The following CHCHD6 variants were observed in gnomAD, a reference collection of about 807,000 sequenced individuals.
CHCHD6 encodes the protein MICOS complex subunit MIC25.
In CHCHD6, 28 loss-of-function variants were observed where a neutral mutation model predicts 32.3. The ratio of observed to expected loss-of-function variants is 0.87; its 90% CI spans 0.64 to 1.19. The LOEUF is 1.19. CHCHD6 is among the 50% of genes most tolerant of loss of function. The probability of loss-of-function intolerance (pLI) is 0.00; values close to 1 mark genes in which losing one functional copy is unlikely to be tolerated. For missense variants in CHCHD6, 333 were observed against 307.0 expected, an observed-to-expected ratio of 1.08 and a Z score of -0.63; for synonymous variants, 122 against 117.5, an observed-to-expected ratio of 1.04 and a Z score of -0.25.
intron 5 of CHCHD6, among the ~76,000 whole-genome samples, chr3:126,896,757 AGGAGTGGGCTAGCAGACCCTC>A (rs1298546544): frequency 5.9e-5 from 9 of 152,180 alleles, no homozygotes; most frequent in African/African-American, 1.9e-4. Context: ...CTGGAGGGGC[AGGAGTGGGCTAGCAGACCCTC>A]GAAGGGGATA....
At chr3:126,926,094 A>G (rs2078320678) in intron 6 of CHCHD6, among the ~76,000 whole-genome samples, 1 of 152,210 alleles carries the variant, frequency 6.6e-6, no homozygotes, top group Non-Finnish European at 1.5e-5. Context: ...CTCTAGGCTC[A>G]GCTCAAATGT....
At chr3:126,938,009 G>A (rs768899949) in intron 6 of CHCHD6, among the ~76,000 whole-genome samples, 2 of 152,162 alleles carry the variant, frequency 1.3e-5, no homozygotes, top group Non-Finnish European at 2.9e-5. Flanking sequence ...TATGCGCAGA[G>A]GACAAGCTAC....
At chr3:126,870,727 C>T (rs1274825110) in intron 5 of CHCHD6, among the ~76,000 whole-genome samples, 3 of 152,198 alleles carry the variant, frequency 2.0e-5, no homozygotes, top group African/African-American at 4.8e-5. Flanking sequence ...TATTAATTTT[C>T]ATCTCTTAGA....
intron 4 of CHCHD6, among the ~76,000 whole-genome samples, chr3:126,771,890 C>T (rs1937549136): frequency 6.6e-6 from 1 of 152,212 alleles, no homozygotes; most frequent in African/African-American, 2.4e-5. Context: ...AATTTCATTA[C>T]TTACCCAAAA....
At chr3:126,800,995 G>A (rs564770235) in intron 4 of CHCHD6, among the ~76,000 whole-genome samples, 3 of 152,312 alleles carry the variant, frequency 2.0e-5, no homozygotes, top group East Asian at 1.9e-4. Context: ...TAACTATAAC[G>A]AGATGACTCT....
intron 6 of CHCHD6, among the ~76,000 whole-genome samples, chr3:126,940,762 A>G (rs2078548414): frequency 6.6e-6 from 1 of 152,182 alleles, no homozygotes; most frequent in Non-Finnish European, 1.5e-5. Context: ...CTATCAAAGG[A>G]GAAAAATACC....
chr3:126,721,404 C>T lies in CHCHD6; in HGVS notation c.88-5674C>T, dbSNP rs566116053. ...CCTTCTGCAGACATCGCTGCCGTCC[C>T]GCCCATGGGATGGAGCTTCTCCTGT... On this transcript the variant is annotated intron_variant, in intron 1 of 7. Transcript: ENST00000290913. Among the ~76,000 whole-genome samples the T allele has an allele frequency of 6.6e-5, 10 of 152,306 alleles. No homozygotes were observed. The South Asian group carries it at 1.0e-3, about 16-fold the overall frequency.
At chr3:126,775,532 G>T (rs1447213688) in intron 4 of CHCHD6, among the ~76,000 whole-genome samples, 2 of 152,092 alleles carry the variant, frequency 1.3e-5, no homozygotes, top group African/African-American at 4.8e-5. Flanking sequence ...TCAGTAACTG[G>T]GTACAAGGTT....
chr3:126,798,005 A>G (rs956374638), intron 4 of CHCHD6, among the ~76,000 whole-genome samples: 5 of 152,178 alleles, frequency 3.3e-5, no homozygotes. Flanking sequence ...CTTGTGCTGT[A>G]TGTGCTAATG....
rs145835210 is a variant in CHCHD6, at chr3:126,935,198, C to T, written c.566+20448C>T. The stretch of plus-strand genomic sequence containing the variant: ...GCCTTGAATGTCAGGTAGTGGTGAG[C>T]GGGATGGCAGGGCTGGCATGAGGCA... On this transcript the variant is annotated intron_variant, in intron 6 of 7. Transcript: ENST00000290913. 6.7e-4 allele frequency: 658 copies of T among 980,876 alleles called. 2 individuals carry two copies. In the East Asian group the frequency reaches 9.5e-3, roughly 14 times the overall value. The allele number at this position is 980,876 out of a possible 1,614,324, so 60.8% of individuals were successfully genotyped here.
At chr3:126,887,281 C>T (rs1188769293) in intron 5 of CHCHD6, among the ~76,000 whole-genome samples, 2 of 151,804 alleles carry the variant, frequency 1.3e-5, no homozygotes, top group East Asian at 1.9e-4. Context: ...TAGAGTGGGG[C>T]TATTGATAAT....
chr3:126,835,782 T>C (rs1354541152), intron 4 of CHCHD6, among the ~76,000 whole-genome samples: 1 of 152,228 alleles, frequency 6.6e-6, no homozygotes, highest in Non-Finnish European at 1.5e-5. Flanking sequence ...GACTCTTGCT[T>C]ATTTCAAGCA....
At chr3:126,705,000 TTTC>T (rs1934408609) in intron 1 of CHCHD6, among the ~76,000 whole-genome samples, 1 of 152,004 alleles carries the variant, frequency 6.6e-6, no homozygotes, top group African/African-American at 2.4e-5. Context: ...TCTCGTGCCA[TTTC>T]CCTCGCGTGG....
intron 5 of CHCHD6, among the ~76,000 whole-genome samples, chr3:126,868,801 T>C (rs182464548): frequency 9.8e-5 from 15 of 152,308 alleles, no homozygotes; most frequent in African/African-American, 3.6e-4. Flanking sequence ...AAAACCAGAT[T>C]ACTTTGACAA....
chr3:126,756,929 T>A (rs1017950934), intron 4 of CHCHD6, among the ~76,000 whole-genome samples: 2 of 152,242 alleles, frequency 1.3e-5, no homozygotes, highest in Non-Finnish European at 2.9e-5. Flanking sequence ...AAGGCAAGAA[T>A]CACATCATGT....
chr3:126,914,719 G>A lies in CHCHD6; in HGVS notation c.535G>A (p.Glu179Lys), dbSNP rs773098512. The A allele has an allele frequency of 6.9e-6, 11 of 1,597,172 alleles. No individual in the cohort carries two copies. The highest frequency in any genetic ancestry group is 2.2e-5 in the East Asian group (1 of 44,822). Residue 179 changes from glutamate (E) to lysine (K), a missense_variant, in exon 6 of 8, where the codon GAG (glutamate) becomes AAG (lysine). Coordinates refer to ENST00000290913, the MANE Select transcript of CHCHD6 (RefSeq NM_032343.3). ...TAAACTGTCTTCAGAGCAATTCCATGAGGCAGCCTCAAAGATGGAGAGCAC... is the reference window on the plus strand; with the variant it reads ...TAAACTGTCTTCAGAGCAATTCCATAAGGCAGCCTCAAAGATGGAGAGCAC... The part of the protein sequence containing the change: ...MYKLSSEQFH[E>K]AASKMESTIK...
intron 5 of CHCHD6, among the ~76,000 whole-genome samples, chr3:126,879,835 T>C (rs976438185): frequency 2.6e-5 from 4 of 152,224 alleles, no homozygotes; most frequent in Non-Finnish European, 4.4e-5. Context: ...AGAGATGAAT[T>C]GTCGTAATGA....
At chr3:126,801,483 C>T (rs1447553824) in intron 4 of CHCHD6, among the ~76,000 whole-genome samples, 1 of 152,236 alleles carries the variant, frequency 6.6e-6, no homozygotes, top group Non-Finnish European at 1.5e-5. Context: ...TGAGATCAAA[C>T]TGCAAGGCGG....
chr3:126,775,734 C>G, intron 4 of CHCHD6, among the ~76,000 whole-genome samples: 1 of 152,160 alleles, frequency 6.6e-6, no homozygotes, highest in East Asian at 1.9e-4. Context: ...ATGGCTGAGA[C>G]TTTTATCTTC....
Sources: gnomAD v4.1 joint callset for allele counts (sites outside exome capture counted in the v4.1 genomes callset) on GRCh38, gnomAD v4.1.1 for gene constraint, MANE v1.5 for transcripts, NCBI Gene and HGNC (gene_info 2026-07-23, HGNC 2026-07-21) for gene names.